Variants in HHIPL1 observed in about 807,000 individuals in gnomAD.
The protein encoded by HHIPL1 is HHIP like 1.
In HHIPL1, 43 loss-of-function variants were observed where a neutral mutation model predicts 61.8. That is an observed-to-expected ratio of 0.70 (90% CI 0.55 to 0.90). The LOEUF (loss-of-function observed/expected upper bound fraction) is 0.90. HHIPL1 is among the 40% of genes least tolerant of loss of function. The pLI is 0.00. For missense variants in HHIPL1, 1,056 were observed against 1,157.7 expected (o/e 0.91, Z 1.28); for synonymous variants, 482 against 515.8 (o/e 0.93, Z 0.89).
At chr14:99,617,757 G>A in the HHIPL1 span, among the ~76,000 whole-genome samples, 180 of 152,254 alleles carry the variant, frequency 1.2e-3, no homozygotes, top group Non-Finnish European at 1.8e-3. Context: ...CGCCAAGCCC[G>A]GGCCTGCCTG....
At chr14:99,642,890 T>C (rs966625050), upstream of HHIPL1, among the ~76,000 whole-genome samples, 1 of 152,186 alleles carries the variant, frequency 6.6e-6, no homozygotes, top group Non-Finnish European at 1.5e-5. Flanking sequence ...CCAATGTCCT[T>C]GTCAATATTC....
Position 99,645,290 on chromosome 14 carries a change from CG to C in HHIPL1, c.84del (p.Phe30SerfsTer27). On this transcript the variant is annotated frameshift_variant, in exon 1 of 9. Coordinates refer to ENST00000330710, the MANE Select transcript of HHIPL1 (RefSeq NM_001127258.3). LOFTEE classifies it high-confidence loss of function. ...CATCCGCAGTGCCTGGACTTCAGGC[CG>C]CCCTTCCGGCCGACGCAGCCGCTGC... Reference protein sequence around the residue: ...AAHPQCLDFRPPFRPTQPLRL... With the variant: ...AAHPQCLDFRXPFRPTQPLRL... 6.9e-7 allele frequency: 1 copy of C among 1,448,308 alleles called. No homozygotes were observed. Among genetic ancestry groups the C allele is most frequent in the South Asian group, 1.4e-5 (1 of 73,672 alleles). The allele number at this position is 1,448,308 out of a possible 1,614,324, so 89.7% of individuals were successfully genotyped here.
chr14:99,642,771 A>G (rs566706473), upstream of HHIPL1, among the ~76,000 whole-genome samples: 2 of 151,408 alleles, frequency 1.3e-5, no homozygotes, highest in South Asian at 2.1e-4. Context: ...TGATCCGCCC[A>G]CCTTGGCCTC....
chr14:99,646,380 G>A (rs1228040249), intron 1 of HHIPL1, among the ~76,000 whole-genome samples: 3 of 152,266 alleles, frequency 2.0e-5, no homozygotes, highest in African/African-American at 7.2e-5. Flanking sequence ...CAGGTGGTGT[G>A]GGGAAGGGCA....
intron 5 of HHIPL1, among the ~76,000 whole-genome samples, chr14:99,662,445 C>T (rs929057139): frequency 1.3e-5 from 2 of 152,198 alleles, no homozygotes; most frequent in Non-Finnish European, 2.9e-5. Flanking sequence ...CTGTAGGATC[C>T]AGTGGGCTGG....
In HHIPL1 at chr14:99,652,469, C is replaced by G; in HGVS notation, c.501C>G (p.Leu167=). 1 of 1,614,086 alleles carries G rather than the reference C, an allele frequency of 6.2e-7. No individual in the cohort carries two copies. Among genetic ancestry groups the G allele is most frequent in the South Asian group, 1.1e-5 (1 of 91,078 alleles). ...CTTACCTGCTGGTCAACAAGAACCT[C>G]AACTCAAACCTGGGCCACGTGGTAG... ...CFPYLLVNKN[L]NSNLGHVVAD... is the part of the protein sequence containing the mutation. The change falls in exon 2 of 9, where the codon CTC becomes CTG. Residue 167 remains leucine (L), a synonymous_variant. Coordinates refer to ENST00000330710, the MANE Select transcript of HHIPL1 (RefSeq NM_001127258.3).
Position 99,668,560 on chromosome 14 carries a change from C to T in HHIPL1, c.1730+257C>T, listed in dbSNP as rs150230225. On this transcript the variant is annotated intron_variant, in intron 7 of 8. Coordinates refer to ENST00000330710, the MANE Select transcript of HHIPL1 (RefSeq NM_001127258.3). The surrounding 1 kb of genome is among the most constrained non-coding windows in gnomAD (Gnocchi z 4.7). ...AGGGAGCTGGAGAGGTGACTGGGGC[C>T]GCGGGCCGAGGCTTCACTTGGCTTT... Among the ~76,000 whole-genome samples the T allele has an allele frequency of 6.1e-3, 924 of 152,198 alleles. 8 individuals are homozygous for T. Among genetic ancestry groups the T allele is most frequent in the African/African-American group, 0.021 (885 of 41,522 alleles).
At chr14:99,665,525 C>T (rs1272683030) in intron 6 of HHIPL1, among the ~76,000 whole-genome samples, 2 of 152,234 alleles carry the variant, frequency 1.3e-5, no homozygotes, top group Non-Finnish European at 2.9e-5. Context: ...ACTGCAGCCT[C>T]CAACTCCTGG....
Position 99,675,461 on chromosome 14 carries a change from C to G in HHIPL1, c.2184C>G (p.Ala728=), listed in dbSNP as rs1340748856. The G allele has an allele frequency of 1.3e-6, 2 of 1,540,182 alleles. No homozygotes were observed. The highest frequency in any genetic ancestry group is 3.9e-5 in the Admixed American group (2 of 50,956). Residue 728 remains alanine, a synonymous_variant, in exon 9 of 9, where the codon GCC becomes GCG. Transcript: ENST00000330710. The surrounding 1 kb of genome is among the most constrained non-coding windows in gnomAD (Gnocchi z 5.4). ...ACGCCGTGCGCGCCGTCAAGAGAGC[C>G]GAGTTCGGCCAGGGCGGCTCGCTGC... The part of the protein sequence containing the change: ...FAYAVRAVKR[A]EFGQGGSLPI...
intron 8 of HHIPL1, 132 bp downstream of exon 8, chr14:99,672,531 TG>T (rs1463214216): frequency 1.4e-6 from 1 of 712,312 alleles, no homozygotes; most frequent in African/African-American, 1.8e-5. Flanking sequence ...TGCCTAGCAC[TG>T]TGCCTGGCAC....
the HHIPL1 span, among the ~76,000 whole-genome samples, chr14:99,605,499 A>C: frequency 6.6e-6 from 1 of 151,882 alleles, no homozygotes; most frequent in South Asian, 2.1e-4. Context: ...CCCCATTTAC[A>C]GTTGCTAAGC....
chr14:99,618,358 C>T, the HHIPL1 span, among the ~76,000 whole-genome samples: 1 of 152,242 alleles, frequency 6.6e-6, no homozygotes, highest in African/African-American at 2.4e-5. Context: ...CTGAGGAACA[C>T]TGGACTGGTC....
In HHIPL1 at chr14:99,663,600, T is replaced by TAAC. The variant is rs542483847; in HGVS notation, c.1648+580_1648+582dup. The stretch of plus-strand genomic sequence containing the variant: ...TATCTCATCCTGTGACAGAATGCCT[T>TAAC]AACTGTCTGGGAATGCAACCCAGTA... On this transcript the variant is annotated intron_variant, in intron 6 of 8. Coordinates refer to ENST00000330710, the MANE Select transcript of HHIPL1 (RefSeq NM_001127258.3). 1.1e-4 allele frequency among the ~76,000 whole-genome samples: 17 copies of TAAC among 152,318 alleles called. 1 individual carries two copies. The South Asian group carries it at 1.9e-3, about 17-fold the overall frequency.
At chr14:99,643,251 G>GTT (rs2055776202), upstream of HHIPL1, among the ~76,000 whole-genome samples, 1 of 151,654 alleles carries the variant, frequency 6.6e-6, no homozygotes. Flanking sequence ...TGTTGACCAG[G>GTT]CTGGTTTCGA....
the HHIPL1 span, among the ~76,000 whole-genome samples, chr14:99,624,415 C>G: frequency 1.3e-5 from 2 of 152,290 alleles, no homozygotes; most frequent in Admixed American, 1.3e-4. Context: ...GCTGTGAAGT[C>G]CACGACACAG....
At chr14:99,633,101 C>A in the HHIPL1 span, among the ~76,000 whole-genome samples, 1 of 151,932 alleles carries the variant, frequency 6.6e-6, no homozygotes, top group Non-Finnish European at 1.5e-5. Flanking sequence ...CACAGGAAGG[C>A]GAGAAGCCCA....
rs761874686 is a variant in HHIPL1, at chr14:99,652,442, C to T, written c.474C>T (p.Phe158=). Residue 158 remains phenylalanine, a synonymous_variant, in exon 2 of 9, where the codon TTC becomes TTT. Transcript: ENST00000330710. Reference sequence around the variant, plus strand: ...CCCTGGATGACACGGACTACTGCTTCCCTTACCTGCTGGTCAACAAGAACC... The same window carrying T: ...CCCTGGATGACACGGACTACTGCTTTCCTTACCTGCTGGTCAACAAGAACC... The part of the protein sequence containing the change: ...YLSLDDTDYC[F]PYLLVNKNLN... 2 of 1,614,198 alleles carry T rather than the reference C, an allele frequency of 1.2e-6. No homozygotes were observed. Among genetic ancestry groups the T allele is most frequent in the Non-Finnish European group, 1.7e-6 (2 of 1,180,036 alleles).
intron 1 of HHIPL1, among the ~76,000 whole-genome samples, chr14:99,651,729 T>C (rs2055933725): frequency 6.6e-6 from 1 of 152,096 alleles, no homozygotes; most frequent in Non-Finnish European, 1.5e-5. Flanking sequence ...GAGCTGATGA[T>C]GGAGCTGTCC....
chr14:99,606,536 G>C, the HHIPL1 span, among the ~76,000 whole-genome samples: 1 of 152,218 alleles, frequency 6.6e-6, no homozygotes, highest in Non-Finnish European at 1.5e-5. Context: ...CCCCCTCCCC[G>C]TTCGTGCATG....
Sources: allele counts gnomAD v4.1 joint callset (sites outside exome capture counted in the v4.1 genomes callset), GRCh38; gene constraint gnomAD v4.1.1; non-coding constraint Gnocchi (gnomAD v3.1); transcripts MANE v1.5; gene names NCBI Gene and HGNC (gene_info 2026-07-23, HGNC 2026-07-21).